CDH13: variants seen among roughly 807,000 people sequenced by gnomAD.
CDH13 encodes the protein cadherin-13.
A neutral mutation model predicts 63.8 loss-of-function variants in CDH13; 24 were observed. The observed-to-expected ratio is 0.38, with a 90% confidence interval of 0.27 to 0.53. CDH13 has a LOEUF of 0.53. Ranked by LOEUF, CDH13 falls within the 20% of genes least tolerant of loss-of-function variation. The pLI is 0.85. For synonymous variants in CDH13, 503 were observed against 355.3 expected (o/e 1.42, Z -4.67); for missense variants, 1,049 against 903.1 (o/e 1.16, Z -2.07).
chr16:83,682,523 A>G (rs1915491065), intron 10 of CDH13, among the ~76,000 whole-genome samples: 7 of 152,172 alleles, frequency 4.6e-5, no homozygotes, highest in Admixed American at 4.6e-4. Flanking sequence ...CACTGAAGAC[A>G]GCTTTGCTTG....
chr16:83,146,152 C>T (rs193238439), intron 4 of CDH13, among the ~76,000 whole-genome samples: 173 of 146,000 alleles, frequency 1.2e-3, no homozygotes, highest in African/African-American at 4.2e-3. Flanking sequence ...CAAGATTGTG[C>T]CACTGCACTC....
At chr16:83,789,371 G>C (rs1250747486) in intron 13 of CDH13, among the ~76,000 whole-genome samples, 1 of 132,758 alleles carries the variant, frequency 7.5e-6, no homozygotes, top group African/African-American at 2.9e-5. Flanking sequence ...TTTTAAGACT[G>C]AGTCTTGCTC....
intron 1 of CDH13, among the ~76,000 whole-genome samples, chr16:82,761,017 C>CTTTT (rs35038319): frequency 5.7e-4 from 23 of 40,490 alleles, no homozygotes; most frequent in African/African-American, 1.9e-3. Context: ...TTCTTTCTTT[C>CTTTT]TTTTTTTTTT....
At chr16:82,721,257 A>T (rs1272433621) in intron 1 of CDH13, among the ~76,000 whole-genome samples, 1 of 152,130 alleles carries the variant, frequency 6.6e-6, no homozygotes, top group African/African-American at 2.4e-5. Flanking sequence ...GTTCACATAC[A>T]TAAACAAAGG....
chr16:82,808,140 A>G lies in CDH13; in HGVS notation c.46-50222A>G, dbSNP rs538085999. ...TGGGCAACACCCCTGACCTGTCTGC[A>G]TATGTTTCCTTGTTTGCAAAATGAA... On this transcript the variant is annotated intron_variant, in intron 1 of 13. Coordinates refer to ENST00000567109, the MANE Select transcript of CDH13 (RefSeq NM_001257.5). 2.6e-5 allele frequency among the ~76,000 whole-genome samples: 4 copies of G among 152,142 alleles called. No homozygotes were observed. In the South Asian group the frequency reaches 8.3e-4, roughly 32 times the overall value.
chr16:83,148,244 A>G (rs930107964), intron 4 of CDH13, among the ~76,000 whole-genome samples: 2 of 152,164 alleles, frequency 1.3e-5, no homozygotes, highest in Non-Finnish European at 2.9e-5. Flanking sequence ...AGTTTGAGGC[A>G]TTGCTGTTTA....
At chr16:83,516,776 A>G (rs563119726) in intron 7 of CDH13, among the ~76,000 whole-genome samples, 16 of 152,348 alleles carry the variant, frequency 1.1e-4, no homozygotes, top group South Asian at 8.3e-4. Flanking sequence ...AGTAGAGAAG[A>G]TGTCAAAAAG....
chr16:82,799,771 T>C (rs2036760831), intron 1 of CDH13, among the ~76,000 whole-genome samples: 1 of 152,186 alleles, frequency 6.6e-6, no homozygotes, highest in Non-Finnish European at 1.5e-5. Context: ...ACAATGTGGC[T>C]ATGGAATTTG....
At chr16:82,928,477 G>C (rs951973016) in intron 2 of CDH13, among the ~76,000 whole-genome samples, 1 of 152,204 alleles carries the variant, frequency 6.6e-6, no homozygotes, top group African/African-American at 2.4e-5. Context: ...GCATTTGAAA[G>C]TGTTCTATTC....
chr16:83,332,949 G>T (rs2090509664), intron 5 of CDH13, among the ~76,000 whole-genome samples: 2 of 152,150 alleles, frequency 1.3e-5, no homozygotes. Context: ...AATTCATAAA[G>T]GAAATACTGT....
At chr16:83,565,394 T>TTTTC (rs1904274700) in intron 7 of CDH13, among the ~76,000 whole-genome samples, 1 of 150,868 alleles carries the variant, frequency 6.6e-6, no homozygotes, top group East Asian at 1.9e-4. Flanking sequence ...TTTTTTTTTT[T>TTTTC]TTTTCTTAGT....
rs1254468312 is a variant in CDH13 at position 83,430,797 on chromosome 16, G to T, written c.782-55680G>T. 2.6e-5 allele frequency among the ~76,000 whole-genome samples: 4 copies of T among 151,846 alleles called. No individual in the cohort carries two copies. The South Asian group carries it at 8.3e-4, about 32-fold the overall frequency. ...TTAAAAAAGTTTATTCTGCTTTCTT[G>T]TCTACTTTAATCTACACACCAGTTC... On this transcript the variant is annotated intron_variant, in intron 6 of 13. Transcript: ENST00000567109.
At chr16:83,390,561 A>G (rs146128906) in intron 6 of CDH13, among the ~76,000 whole-genome samples, 128 of 152,058 alleles carry the variant, frequency 8.4e-4, no homozygotes, top group African/African-American at 2.9e-3. Flanking sequence ...CAGTGATCCT[A>G]CTATCAACAG....
At chr16:83,150,965 T>A (rs2036954882) in intron 4 of CDH13, among the ~76,000 whole-genome samples, 2 of 152,216 alleles carry the variant, frequency 1.3e-5, no homozygotes, top group South Asian at 4.1e-4. Context: ...CATCTTTTTT[T>A]TACATTCCCA....
rs533800864 is a variant in CDH13 at position 83,147,480 on chromosome 16, C to A, written c.483+21979C>A. Among the ~76,000 whole-genome samples the A allele has an allele frequency of 1.1e-4, 17 of 152,346 alleles. No homozygotes were observed. In the South Asian group the frequency reaches 2.9e-3, roughly 26 times the overall value. ...TTCTCTGTGTGACCTCAAGTCATTTCTGATCTGGTGCCTTATCCTGCAGCC... is the reference window on the plus strand; with the variant it reads ...TTCTCTGTGTGACCTCAAGTCATTTATGATCTGGTGCCTTATCCTGCAGCC... On this transcript the variant is annotated intron_variant, in intron 4 of 13. Transcript: ENST00000567109.
intron 11 of CDH13, among the ~76,000 whole-genome samples, chr16:83,773,484 A>C (rs1231332702): frequency 1.3e-5 from 2 of 152,130 alleles, no homozygotes; most frequent in Admixed American, 6.5e-5. Flanking sequence ...TAGCAGGTTA[A>C]ATGCCAGACA....
intron 2 of CDH13, among the ~76,000 whole-genome samples, chr16:82,959,030 G>C (rs566556888): frequency 6.6e-6 from 1 of 152,332 alleles, no homozygotes; most frequent in African/African-American, 2.4e-5. Flanking sequence ...CAGTATTTTG[G>C]CGAGGAGCAA....
intron 2 of CDH13, among the ~76,000 whole-genome samples, chr16:82,919,348 C>G (rs907527866): frequency 6.6e-6 from 1 of 152,130 alleles, no homozygotes; most frequent in East Asian, 1.9e-4. Flanking sequence ...TTTTCTGATC[C>G]TCTTTCTCCT....
At chr16:82,974,730 T>C (rs1909254130) in intron 2 of CDH13, among the ~76,000 whole-genome samples, 1 of 152,002 alleles carries the variant, frequency 6.6e-6, no homozygotes, top group African/African-American at 2.4e-5. Context: ...TTGCTGTCTT[T>C]GAAGATAGAG....
Sources: gnomAD v4.1 joint callset for allele counts (sites outside exome capture counted in the v4.1 genomes callset) on GRCh38, gnomAD v4.1.1 for gene constraint, MANE v1.5 for transcripts, NCBI Gene and HGNC (gene_info 2026-07-23, HGNC 2026-07-21) for gene names.